Variants in FAM3D observed in about 807,000 individuals in gnomAD.
The protein encoded by FAM3D is protein FAM3D.
A neutral mutation model predicts 29.8 loss-of-function variants in FAM3D; 26 were observed. The observed-to-expected ratio is 0.87, with a 90% CI of 0.64 to 1.21. The LOEUF (loss-of-function observed/expected upper bound fraction) is 1.21. Among genes scored for constraint, FAM3D ranks in the 50% most tolerant of loss-of-function variants. The probability of loss-of-function intolerance (pLI) is 0.00; values close to 1 mark genes in which losing one functional copy is unlikely to be tolerated. For missense variants in FAM3D, 253 were observed against 290.9 expected (o/e 0.87, Z 0.95); for synonymous variants, 115 against 102.3 (o/e 1.12, Z -0.75).
chr3:58,660,900 A>G (rs975045518), intron 1 of FAM3D, among the ~76,000 whole-genome samples: 16 of 152,222 alleles, frequency 1.1e-4, no homozygotes, highest in Admixed American at 3.9e-4. Flanking sequence ...AGCTGGCAAG[A>G]GTCAAAGATA....
At chr3:58,651,228 T>C in intron 3 of FAM3D, among the ~76,000 whole-genome samples, 1 of 152,200 alleles carries the variant, frequency 6.6e-6, no homozygotes, top group Non-Finnish European at 1.5e-5. Flanking sequence ...TGGAAACCAA[T>C]TATATATCAA....
rs1211087971 is a variant in FAM3D, at chr3:58,635,030, C to T, written c.586-662G>A. The stretch of plus-strand genomic sequence containing the variant: ...TCTCTAGAAAACATAAAAAAATTAG[C>T]TGGATGTGGTGGCACATGCCTGTGG... On this transcript the variant is annotated intron_variant, in intron 9 of 9. Coordinates refer to ENST00000358781, the MANE Select transcript of FAM3D (RefSeq NM_138805.3). The surrounding 1 kb of genome is among the most constrained non-coding windows in gnomAD (Gnocchi z 5.2). Among the ~76,000 whole-genome samples the T allele has an allele frequency of 6.6e-6, 1 of 152,124 alleles. No homozygotes were observed. Among genetic ancestry groups the T allele is most frequent in the Non-Finnish European group, 1.5e-5 (1 of 68,016 alleles).
At chr3:58,640,069 G>A in intron 7 of FAM3D, 58 bp downstream of exon 7, 1 of 1,584,936 alleles carries the variant, frequency 6.3e-7, no homozygotes, top group Non-Finnish European at 8.7e-7. Flanking sequence ...ACATGAAGAG[G>A]CTCAGCCCTC....
intron 8 of FAM3D, among the ~76,000 whole-genome samples, chr3:58,636,792 A>C (rs957931134): frequency 4.6e-5 from 7 of 151,910 alleles, no homozygotes; most frequent in Non-Finnish European, 1.0e-4. Context: ...CTCACTTAGC[A>C]CTAGAGGGTG....
At position 58,634,633 on chromosome 3, in the gene FAM3D, C is replaced by T. The variant is rs1269178323; in HGVS notation, c.586-265G>A. ...GCCCCTCCCCACAAATTCTCTGTGT[C>T]CCTCTAGGATACCTCAAATAACAAT... is the stretch of plus-strand genomic sequence containing the variant. On this transcript the variant is annotated intron_variant, in intron 9 of 9. Transcript: ENST00000358781. This position sits in a 1 kb window ranked among gnomAD's most constrained non-coding sequence, Gnocchi z 4.6. Among the ~76,000 whole-genome samples, 5 of 152,118 alleles carry T rather than the reference C, an allele frequency of 3.3e-5. No individual in the cohort carries two copies. Among genetic ancestry groups the T allele is most frequent in the African/African-American group, 1.2e-4 (5 of 41,426 alleles).
chr3:58,662,503 T>G (rs2066951608), intron 1 of FAM3D, among the ~76,000 whole-genome samples: 1 of 152,226 alleles, frequency 6.6e-6, no homozygotes, highest in South Asian at 2.1e-4. Flanking sequence ...TTCATTTAAT[T>G]TTCCCAACAA....
intron 3 of FAM3D, among the ~76,000 whole-genome samples, chr3:58,649,957 C>T (rs1426714778): frequency 6.6e-6 from 1 of 152,222 alleles, no homozygotes; most frequent in Non-Finnish European, 1.5e-5. Context: ...GGCCCCTGGG[C>T]CCCAGTGAAG....
intron 3 of FAM3D, among the ~76,000 whole-genome samples, chr3:58,651,650 C>T (rs949966073): frequency 6.6e-6 from 1 of 152,140 alleles, no homozygotes; most frequent in Admixed American, 6.5e-5. Flanking sequence ...TAGTTGAGTA[C>T]TGAGAGAGAA....
chr3:58,655,410 C>T, intron 2 of FAM3D, 141 bp downstream of exon 2: 1 of 1,087,506 alleles, frequency 9.2e-7, no homozygotes, highest in African/African-American at 1.5e-5. Context: ...CTCTTCTACT[C>T]TTCCAGCCTC....
At chr3:58,639,622 C>T (rs1041301079) in intron 7 of FAM3D, among the ~76,000 whole-genome samples, 7 of 152,194 alleles carry the variant, frequency 4.6e-5, no homozygotes, top group African/African-American at 1.7e-4. Flanking sequence ...CCATCCACAG[C>T]ACCCTCCCAT....
intron 4 of FAM3D, among the ~76,000 whole-genome samples, chr3:58,648,949 C>A (rs1439428699): frequency 1.3e-5 from 2 of 152,184 alleles, no homozygotes; most frequent in African/African-American, 4.8e-5. Flanking sequence ...GGGGTCACTG[C>A]AATGGGGTTA....
Position 58,634,434 on chromosome 3 carries a change from G to T in FAM3D, c.586-66C>A. The T allele has an allele frequency of 7.0e-7, 1 of 1,423,728 alleles. No homozygotes were observed. Among genetic ancestry groups the T allele is most frequent in the Non-Finnish European group, 9.8e-7 (1 of 1,018,932 alleles). 88.2% of individuals were successfully genotyped at this position (1,423,728 alleles called of 1,614,324 possible). The stretch of plus-strand genomic sequence containing the variant: ...GGCTGTTCAGAACTCATGCCCACAT[G>T]GACACTGTGCTCTAAACCTAAATGG... On this transcript the variant is annotated intron_variant, in intron 9 of 9. Coordinates refer to ENST00000358781, the MANE Select transcript of FAM3D (RefSeq NM_138805.3). This position sits in a 1 kb window ranked among gnomAD's most constrained non-coding sequence, Gnocchi z 4.6.
chr3:58,652,132 G>A (rs960591926), intron 3 of FAM3D, among the ~76,000 whole-genome samples: 1 of 152,192 alleles, frequency 6.6e-6, no homozygotes, highest in Non-Finnish European at 1.5e-5. Context: ...TGATCAGAAA[G>A]GATATGAATC....
intron 7 of FAM3D, among the ~76,000 whole-genome samples, chr3:58,638,111 C>G (rs1191179358): frequency 6.6e-6 from 1 of 152,094 alleles, no homozygotes; most frequent in Non-Finnish European, 1.5e-5. Context: ...CTCGAACTCC[C>G]AACCTCAGGT....
rs776868688 is a variant in FAM3D at position 58,634,331 on chromosome 3, C to G, written c.623G>C (p.Gly208Ala). The part of the protein sequence containing the change: ...KNSPDTNKYE[G>A]WPELLEMEGC... Reference sequence around the variant, plus strand: ...CTCCATCTCCAGCAGCTCTGGCCATCCCTCGTATTTGTTTGTGTCTGGGCT... The same window carrying G: ...CTCCATCTCCAGCAGCTCTGGCCATGCCTCGTATTTGTTTGTGTCTGGGCT... Residue 208 changes from glycine to alanine, a missense_variant, in exon 10 of 10, where the codon GGA becomes GCA. Coordinates refer to ENST00000358781, the MANE Select transcript of FAM3D (RefSeq NM_138805.3). This position sits in a 1 kb window ranked among gnomAD's most constrained non-coding sequence, Gnocchi z 4.6. 2.5e-6 allele frequency: 4 copies of G among 1,614,064 alleles called. No homozygotes were observed. In the Admixed American group the frequency reaches 6.7e-5, roughly 27 times the overall value.
chr3:58,645,747 T>A, intron 4 of FAM3D, 121 bp from the exon 5 acceptor site: 1 of 838,520 alleles, frequency 1.2e-6, no homozygotes, highest in Non-Finnish European at 2.0e-6. Context: ...AGCCTCTTTC[T>A]GGGGGAGCCT....
In FAM3D at chr3:58,634,270, A is replaced by G; in HGVS notation, c.*9T>C. The G allele has an allele frequency of 1.9e-6, 3 of 1,613,040 alleles. No homozygotes were observed. The highest frequency in any genetic ancestry group is 1.7e-6 in the Non-Finnish European group (2 of 1,179,458). On this transcript the variant is annotated 3_prime_UTR_variant, in exon 10 of 10. Coordinates refer to ENST00000358781, the MANE Select transcript of FAM3D (RefSeq NM_138805.3). The surrounding 1 kb of genome is among the most constrained non-coding windows in gnomAD (Gnocchi z 4.6). ...TCAGGCCCCTGGCTGAGGAAGAGCC[A>G]CAGCCACCCTAAAATGGCTTCGGGG...
chr3:58,657,143 C>T lies in FAM3D; in HGVS notation c.-38-1542G>A, dbSNP rs544581112. On this transcript the variant is annotated intron_variant, in intron 1 of 9. Coordinates refer to ENST00000358781, the MANE Select transcript of FAM3D (RefSeq NM_138805.3). ...TATGATCACGACTACGCTTTGGATG[C>T]GACCTACAGTCCAGGAACCTAGGTT... Among the ~76,000 whole-genome samples the T allele has an allele frequency of 3.9e-5, 6 of 152,214 alleles. No individual in the cohort carries two copies. In the East Asian group the frequency reaches 9.7e-4, roughly 24 times the overall value.
At chr3:58,655,704 T>C (rs1334648343) in intron 1 of FAM3D, 103 bp from the exon 2 acceptor site, 3 of 958,544 alleles carry the variant, frequency 3.1e-6, no homozygotes, top group Non-Finnish European at 4.5e-6. Context: ...ATCATAATTC[T>C]TTCAGTTGGG....
Sources: gnomAD v4.1 joint callset for allele counts (sites outside exome capture counted in the v4.1 genomes callset) on GRCh38, gnomAD v4.1.1 for gene constraint, Gnocchi (gnomAD v3.1) non-coding constraint, MANE v1.5 for transcripts, NCBI Gene and HGNC (gene_info 2026-07-23, HGNC 2026-07-21) for gene names.